IGSF22: variants seen among roughly 807,000 people sequenced by gnomAD.
IGSF22 encodes immunoglobulin superfamily, member 22.
In IGSF22, 119 loss-of-function variants were observed where a neutral mutation model predicts 127.0. That is an observed-to-expected ratio of 0.94 (90% CI 0.81 to 1.09). The LOEUF is 1.09. Ranked by LOEUF, IGSF22 falls within the 50% of genes least tolerant of loss-of-function variation. The probability of loss-of-function intolerance (pLI) is 0.00; values close to 1 mark genes in which losing one functional copy is unlikely to be tolerated. For synonymous variants in IGSF22, 568 were observed against 664.7 expected (o/e 0.85, Z 2.24); for missense variants, 1,518 against 1,716.6 (o/e 0.88, Z 2.04).
At position 18,712,329 on chromosome 11, in the gene IGSF22, A is replaced by T; in HGVS notation, c.2151T>A (p.Cys717Ter). 2.6e-6 allele frequency: 4 copies of T among 1,551,662 alleles called. No homozygotes were observed. The highest frequency in any genetic ancestry group is 3.5e-6 in the Non-Finnish European group (4 of 1,146,970). ...RVEFLELSGSCVHMKWKAPKD... is the reference protein window; with the variant it reads ...RVEFLELSGS ...TTGGGGCCTTCCACTTCATGTGCAC[A>T]CAACTACCTGAGAGCTCCAGGAACT... Residue 717 changes from cysteine (C) to a stop codon, truncating the protein, a stop_gained, in exon 15 of 23, where the codon TGT (cysteine) becomes TGA (stop). Transcript: ENST00000513874. LOFTEE classifies it high-confidence loss of function.
In IGSF22 at chr11:18,715,753, C is replaced by A. The variant is rs775196384; in HGVS notation, c.1247-37G>T. ...CAGACACTTGGGCCTGCTCCCAAAC[C>A]ACGACATCTTTTTTCTGCAGCTATA... On this transcript the variant is annotated intron_variant, in intron 10 of 22. Coordinates refer to ENST00000513874, the MANE Select transcript of IGSF22 (RefSeq NM_173588.4). The A allele has an allele frequency of 2.5e-6, 4 of 1,578,060 alleles. No homozygotes were observed. The South Asian group carries it at 4.6e-5, about 18-fold the overall frequency.
At chr11:18,708,053 C>G in intron 19 of IGSF22, 57 bp from the exon 20 acceptor site, 1 of 1,595,926 alleles carries the variant, frequency 6.3e-7, no homozygotes, top group African/African-American at 1.3e-5. Flanking sequence ...TGGGGGCAGG[C>G]CTTCCTCCAT....
Position 18,706,126 on chromosome 11 carries a change from G to A in IGSF22, c.3601C>T (p.Leu1201Phe), listed in dbSNP as rs1848223874. The A allele has an allele frequency of 6.5e-7, 1 of 1,542,988 alleles. No homozygotes were observed. The highest frequency in any genetic ancestry group is 8.7e-7 in the Non-Finnish European group (1 of 1,146,652). The change falls in exon 22 of 23, where the codon CTC becomes TTC. Residue 1201 changes from leucine (L) to phenylalanine (F), a missense_variant. Transcript: ENST00000513874. ...KDQIQDLSAK[L>F]KPYEKKDWRH... Reference sequence around the variant, plus strand: ...CAGTCCTTCTTCTCGTAGGGCTTGAGCTTGGCGCTCAGGTCCTGGACTGCG... The same window carrying A: ...CAGTCCTTCTTCTCGTAGGGCTTGAACTTGGCGCTCAGGTCCTGGACTGCG...
intron 2 of IGSF22, 130 bp downstream of exon 2, chr11:18,723,998 T>C (rs761238305): frequency 7.9e-6 from 5 of 635,476 alleles, no homozygotes; most frequent in Non-Finnish European, 1.4e-5. Context: ...ACACGTTGGG[T>C]GGGGGTTGCT....
intron 18 of IGSF22, among the ~76,000 whole-genome samples, chr11:18,708,832 C>A (rs1405299902): frequency 6.6e-6 from 1 of 152,176 alleles, no homozygotes. Context: ...GCCATTATTC[C>A]AGAGATCACA....
In IGSF22 at chr11:18,721,545, T is replaced by C; in HGVS notation, c.368A>G (p.His123Arg). 6.2e-7 allele frequency: 1 copy of C among 1,614,246 alleles called. No homozygotes were observed. The highest frequency in any genetic ancestry group is 8.5e-7 in the Non-Finnish European group (1 of 1,180,038). ...KIFYDSINKE[H>R]VLKLEPLTSD... The stretch of plus-strand genomic sequence containing the variant: ...GCTTGGCCCCCGCACCTTCAGCACG[T>C]GTTCCTTGTTAATGCTGTCGTAGAA... Residue 123 changes from histidine (H) to arginine (R), a missense_variant, in exon 4 of 23, where the codon CAC (histidine) becomes CGC (arginine). Transcript: ENST00000513874.
chr11:18,718,866 C>T (rs962179565), intron 7 of IGSF22, 138 bp from the exon 8 acceptor site: 8 of 633,060 alleles, frequency 1.3e-5, no homozygotes, highest in Non-Finnish European at 2.0e-5. Context: ...TGCAGTGCTC[C>T]AGTGATCAAC....
Position 18,715,603 on chromosome 11 carries a change from C to T in IGSF22, c.1360G>A (p.Asp454Asn), listed in dbSNP as rs1300311360. Residue 454 changes from aspartate (D) to asparagine (N), a missense_variant, in exon 11 of 23, where the codon GAT (aspartate) becomes AAT (asparagine). Coordinates refer to ENST00000513874, the MANE Select transcript of IGSF22 (RefSeq NM_173588.4). ...GTGCCATGCATCAGCAGCTGCCCATCCTTCTTCCAGCGCAGTGTCACATCC... is the reference window on the plus strand; with the variant it reads ...GTGCCATGCATCAGCAGCTGCCCATTCTTCTTCCAGCGCAGTGTCACATCC... ...SKDVTLRWKK[D>N]GQLLMHGTKY... 2.5e-6 allele frequency: 4 copies of T among 1,613,980 alleles called. No individual in the cohort carries two copies. Among genetic ancestry groups the T allele is most frequent in the East Asian group, 4.5e-5 (2 of 44,902 alleles).
chr11:18,709,701 T>G lies in IGSF22; in HGVS notation c.2702-18A>C, dbSNP rs770093128. The G allele has an allele frequency of 9.3e-6, 15 of 1,606,892 alleles. No individual in the cohort carries two copies. Among genetic ancestry groups the G allele is most frequent in the Non-Finnish European group, 3.4e-6 (4 of 1,175,314 alleles). ...TGGGGGTTCTGGGGTAGAACAGACA[T>G]GTAGTCAGCCCCTCCAACTCATCTC... On this transcript the variant is annotated intron_variant, in intron 17 of 22. Transcript: ENST00000513874. The surrounding 1 kb of genome is among the most constrained non-coding windows in gnomAD (Gnocchi z 4.8).
Position 18,714,637 on chromosome 11 carries a change from G to A in IGSF22, c.1532-13C>T. 1 of 1,613,488 alleles carries A rather than the reference G, an allele frequency of 6.2e-7. No individual in the cohort carries two copies. The highest frequency in any genetic ancestry group is 2.2e-5 in the East Asian group (1 of 44,886). On this transcript the variant is annotated splice_polypyrimidine_tract_variant and intron_variant, in intron 11 of 22. Coordinates refer to ENST00000513874, the MANE Select transcript of IGSF22 (RefSeq NM_173588.4). ...GTGGCCAGACGCTCTGGGGAGAAAG[G>A]TGGGCAAGGGACTGGCTCAGGATGT...
chr11:18,714,015 A>T lies in IGSF22; in HGVS notation c.1932T>A (p.Asp644Glu). The T allele has an allele frequency of 6.2e-7, 1 of 1,614,256 alleles. No individual in the cohort carries two copies. The highest frequency in any genetic ancestry group is 1.1e-5 in the South Asian group (1 of 91,086). Residue 644 changes from aspartate to glutamate, a missense_variant, in exon 14 of 23, where the codon GAT becomes GAA. This residue lies in a region of IGSF22 where 1,456 missense variants were observed against 1,644.9 expected (regional missense o/e 0.89). Coordinates refer to ENST00000513874, the MANE Select transcript of IGSF22 (RefSeq NM_173588.4). ...GTTCCTCCTCCGTCACTTCCATGCCATCCTTGTACCATGTCACTTTGGGCA... is the reference window on the plus strand; with the variant it reads ...GTTCCTCCTCCGTCACTTCCATGCCTTCCTTGTACCATGTCACTTTGGGCA... ...KPLPKVTWYK[D>E]GMEVTEEERV...
intron 8 of IGSF22, among the ~76,000 whole-genome samples, chr11:18,718,313 G>C (rs117797536): frequency 6.6e-6 from 1 of 152,302 alleles, no homozygotes; most frequent in East Asian, 1.9e-4. Flanking sequence ...TAATATGCAT[G>C]AGTTCATTAG....
chr11:18,717,876 C>T (rs1173110493), intron 9 of IGSF22, 55 bp downstream of exon 9: 5 of 1,581,460 alleles, frequency 3.2e-6, no homozygotes, highest in Non-Finnish European at 3.5e-6. Flanking sequence ...CCTGGCCATT[C>T]CTCTCTTCCA....
In IGSF22 at chr11:18,721,602, C is replaced by T; in HGVS notation, c.311G>A (p.Ser104Asn). The change falls in exon 4 of 23, where the codon AGC becomes AAC. Residue 104 changes from serine to asparagine, a missense_variant. Ser to Asn is a conservative substitution (Grantham distance 46). Around this residue, in one of 3 missense-constraint regions of IGSF22, gnomAD observed 1,456 missense variants for 1,644.9 expected, o/e 0.89. Transcript: ENST00000513874. ...AKPHISWKRE[S>N]GIPIKESAKI... is the part of the protein sequence containing the mutation. ...GGCGGACTCCTTGATGGGGATGCCG[C>T]TCTCCCTCTTCCAGGAGATGTGGGG... 1 of 1,614,254 alleles carries T rather than the reference C, an allele frequency of 6.2e-7. No homozygotes were observed.
chr11:18,708,152 T>A, intron 19 of IGSF22, 55 bp downstream of exon 19: 1 of 1,531,914 alleles, frequency 6.5e-7, no homozygotes, highest in Non-Finnish European at 8.9e-7. Context: ...ATGGCTACAA[T>A]AGCCATCTTG....
At chr11:18,708,782 A>G (rs1848295844) in intron 18 of IGSF22, among the ~76,000 whole-genome samples, 1 of 152,210 alleles carries the variant, frequency 6.6e-6, no homozygotes. Flanking sequence ...GGATGTGAGG[A>G]GCCTGAATTC....
rs1564865752 is a variant in IGSF22 at position 18,705,917 on chromosome 11, G to A, written c.3810C>T (p.Leu1270=). ...CCTTGAGCGTGCAGGTGGGGATGAC[G>A]AGGGTGCACACGCCGCTGGTGGAGT... is the stretch of plus-strand genomic sequence containing the variant. ...WYNSTSGVCT[L]VIPTCTLKDS... The change falls in exon 22 of 23, where the codon CTC becomes CTT. Residue 1270 remains leucine, a synonymous_variant. Coordinates refer to ENST00000513874, the MANE Select transcript of IGSF22 (RefSeq NM_173588.4). 11 of 1,551,750 alleles carry A rather than the reference G, an allele frequency of 7.1e-6. No individual in the cohort carries two copies. The highest frequency in any genetic ancestry group is 9.6e-6 in the Non-Finnish European group (11 of 1,146,998).
At chr11:18,710,143 G>A (rs1278894043) in intron 17 of IGSF22, among the ~76,000 whole-genome samples, 184 bp downstream of exon 17, 1 of 152,176 alleles carries the variant, frequency 6.6e-6, no homozygotes, top group Non-Finnish European at 1.5e-5. Flanking sequence ...CACTGTCCCT[G>A]ACTCTCAATC....
chr11:18,707,899 A>C lies in IGSF22; in HGVS notation c.3185T>G (p.Ile1062Ser), dbSNP rs781312035. Residue 1062 changes from isoleucine to serine, a missense_variant, in exon 20 of 23, where the codon ATT becomes AGT. Physicochemically the swap from Ile to Ser is moderately radical, Grantham distance 142. Coordinates refer to ENST00000513874, the MANE Select transcript of IGSF22 (RefSeq NM_173588.4). ...TKSKNHSQFL[I>S]NSTKRSDSGV... ...TGAGTCAGAGCGCTTGGTGCTATTA[A>C]TGAGGAACTGGGAGTGGTTTTTGCT... The C allele has an allele frequency of 8.7e-6, 14 of 1,614,186 alleles. No homozygotes were observed. The highest frequency in any genetic ancestry group is 6.8e-6 in the Non-Finnish European group (8 of 1,180,032).
Sources: gnomAD v4.1 joint callset for allele counts (sites outside exome capture counted in the v4.1 genomes callset) on GRCh38, gnomAD v4.1.1 for gene constraint, gnomAD v4.1.1 regional missense constraint, Gnocchi (gnomAD v3.1) non-coding constraint, MANE v1.5 for transcripts, NCBI Gene and HGNC (gene_info 2026-07-23, HGNC 2026-07-21) for gene names.